Variants in LMCD1 observed in about 807,000 individuals in gnomAD.
The protein encoded by LMCD1 is LIM and cysteine-rich domains protein 1.
LMCD1 carries 32 observed loss-of-function variants against 42.7 expected under a neutral mutation model. The observed-to-expected ratio is 0.75, with a 90% CI of 0.57 to 1.01. The LOEUF (loss-of-function observed/expected upper bound fraction) is 1.01. Among genes scored for constraint, LMCD1 ranks in the 50% least tolerant of loss-of-function variants. The pLI is 0.00. For missense variants in LMCD1, 458 were observed against 483.1 expected (o/e 0.95, Z 0.49); for synonymous variants, 178 against 184.9 (o/e 0.96, Z 0.30).
chr3:8,550,178 C>G, intron 4 of LMCD1: 1 of 1,286,036 alleles, frequency 7.8e-7, no homozygotes, highest in Non-Finnish European at 9.9e-7. Context: ...TAAACTGCCC[C>G]ACAGAAGGCG....
intron 1 of LMCD1, among the ~76,000 whole-genome samples, chr3:8,505,549 T>C (rs1024346080): frequency 1.3e-5 from 2 of 152,214 alleles, no homozygotes; most frequent in African/African-American, 4.8e-5. Flanking sequence ...GAACCATCTG[T>C]AGGAATTTAG....
chr3:8,534,684 T>C (rs939469035), intron 2 of LMCD1, among the ~76,000 whole-genome samples: 2 of 152,204 alleles, frequency 1.3e-5, no homozygotes, highest in Non-Finnish European at 2.9e-5. Context: ...GCCCTTCAAC[T>C]AATCATCACA....
At chr3:8,536,971 A>C (rs1048415327) in intron 2 of LMCD1, among the ~76,000 whole-genome samples, 17 of 152,206 alleles carry the variant, frequency 1.1e-4, no homozygotes, top group African/African-American at 4.1e-4. Context: ...TATATCCTAC[A>C]TTCCTCACTG....
At chr3:8,510,484 G>A (rs1693974656) in intron 1 of LMCD1, among the ~76,000 whole-genome samples, 1 of 152,178 alleles carries the variant, frequency 6.6e-6, no homozygotes, top group African/African-American at 2.4e-5. Context: ...GGGTGTCAGG[G>A]AACTTAAATT....
chr3:8,538,266 C>T (rs6809788), intron 3 of LMCD1, among the ~76,000 whole-genome samples: 73,610 of 151,982 alleles, frequency 0.48, 18,536 homozygotes, highest in Non-Finnish European at 0.53. Context: ...CCAGCAAGTT[C>T]AGGGCCATCC....
intron 2 of LMCD1, among the ~76,000 whole-genome samples, chr3:8,533,817 A>G (rs1694459586): frequency 6.6e-6 from 1 of 152,016 alleles, no homozygotes; most frequent in African/African-American, 2.4e-5. Context: ...TCCCAATCCC[A>G]TGCTCCTAAT....
chr3:8,515,907 T>G (rs1694088432), intron 1 of LMCD1, among the ~76,000 whole-genome samples: 4 of 150,146 alleles, frequency 2.7e-5, no homozygotes, highest in East Asian at 2.0e-4. Flanking sequence ...AAAGTAGGAG[T>G]GGGTGGGGGG....
At chr3:8,541,095 C>T (rs2125027427) in intron 3 of LMCD1, among the ~76,000 whole-genome samples, 1 of 152,322 alleles carries the variant, frequency 6.6e-6, no homozygotes, top group East Asian at 1.9e-4. Flanking sequence ...TCTCCGGATT[C>T]CAGAGCCCAT....
At chr3:8,547,364 C>T (rs66636635) in intron 3 of LMCD1, among the ~76,000 whole-genome samples, 17,102 of 152,184 alleles carry the variant, frequency 0.11, 1,129 homozygotes, top group South Asian at 0.22. Context: ...TAAGTACAAC[C>T]CTACTTGTTA....
chr3:8,545,830 AG>A (rs1457152933), intron 3 of LMCD1, among the ~76,000 whole-genome samples: 1 of 152,212 alleles, frequency 6.6e-6, no homozygotes, highest in Non-Finnish European at 1.5e-5. Context: ...AAAAGAGAAA[AG>A]CCACAGATAG....
At chr3:8,515,873 T>C (rs3774220) in intron 1 of LMCD1, among the ~76,000 whole-genome samples, 71,092 of 151,762 alleles carry the variant, frequency 0.47, 17,331 homozygotes, top group Non-Finnish European at 0.52. Flanking sequence ...CCCCTTCCCA[T>C]TCTGCACCAA....
Position 8,573,758 on chromosome 3 carries a change from C to T in LMCD1, c.*6160C>T, listed in dbSNP as rs753773136. On this transcript the variant is annotated 3_prime_UTR_variant, in exon 6 of 6. Coordinates refer to ENST00000157600, the MANE Select transcript of LMCD1 (RefSeq NM_014583.4). Reference sequence around the variant, plus strand: ...AGCATAAAGTGTTCCTTTGTTCTGACGTTGGTATAACATTGCTTCTTGAAA... The same window carrying T: ...AGCATAAAGTGTTCCTTTGTTCTGATGTTGGTATAACATTGCTTCTTGAAA... 5.3e-5 allele frequency: 8 copies of T among 151,834 alleles called. No homozygotes were observed. Among genetic ancestry groups the T allele is most frequent in the Admixed American group, 6.6e-5 (1 of 15,262 alleles). The allele number at this position is 151,834 out of a possible 1,614,324, so 9.4% of individuals were successfully genotyped here. A position where few individuals can be genotyped will look rare whatever the true frequency, so the allele number is the denominator to read the frequency against.
intron 1 of LMCD1, among the ~76,000 whole-genome samples, chr3:8,518,167 C>A (rs78915480): frequency 0.046 from 7,057 of 152,224 alleles, 292 homozygotes; most frequent in African/African-American, 0.1. Context: ...CAGAGCTCCC[C>A]CAACACTTTG....
At chr3:8,519,737 A>G (rs559083431) in intron 1 of LMCD1, among the ~76,000 whole-genome samples, 1 of 147,158 alleles carries the variant, frequency 6.8e-6, no homozygotes, top group African/African-American at 2.6e-5. Context: ...AAAACATATG[A>G]TAGCAAAAAA....
At chr3:8,541,489 C>T (rs1355733124) in intron 3 of LMCD1, among the ~76,000 whole-genome samples, 1 of 152,158 alleles carries the variant, frequency 6.6e-6, no homozygotes. Context: ...GCAGAGGTTG[C>T]AGTGAGCCGA....
At chr3:8,542,664 T>G (rs1446816273) in intron 3 of LMCD1, among the ~76,000 whole-genome samples, 2 of 152,208 alleles carry the variant, frequency 1.3e-5, no homozygotes, top group Non-Finnish European at 2.9e-5. Context: ...TTGGGGAATA[T>G]TTTTCCTCTT....
At chr3:8,550,297 A>G (rs1226582456) in intron 4 of LMCD1, 1 of 1,008,272 alleles carries the variant, frequency 9.9e-7, no homozygotes, top group Non-Finnish European at 1.2e-6. Flanking sequence ...AAGTGTCTTC[A>G]TTTGTTTCTA....
At position 8,565,483 on chromosome 3, in the gene LMCD1, T is replaced by G. The variant is rs150928137; in HGVS notation, c.775T>G (p.Ser259Ala). 174 of 1,614,188 alleles carry G rather than the reference T, an allele frequency of 1.1e-4. 2 individuals are homozygous for G. The highest frequency in any genetic ancestry group is 4.2e-4 in the Admixed American group (25 of 60,028). Reference sequence around the variant, plus strand: ...CCCTCCTGACAGCCCCGTGGTCTACTCGGACAGGGCAGGCTACAACAAGCA... The same window carrying G: ...CCCTCCTGACAGCCCCGTGGTCTACGCGGACAGGGCAGGCTACAACAAGCA... ...AAPPDSPVVYSDRAGYNKQWH... is the reference protein window; with the variant it reads ...AAPPDSPVVYADRAGYNKQWH... Residue 259 changes from serine to alanine, a missense_variant, in exon 5 of 6, where the codon TCG (serine) becomes GCG (alanine). Physicochemically the swap from Ser to Ala is moderately conservative, Grantham distance 99. Coordinates refer to ENST00000157600, the MANE Select transcript of LMCD1 (RefSeq NM_014583.4).
chr3:8,529,418 A>G (rs565058317), intron 1 of LMCD1, among the ~76,000 whole-genome samples: 2 of 152,026 alleles, frequency 1.3e-5, no homozygotes, highest in African/African-American at 2.4e-5. Context: ...ACCAGGGCCA[A>G]CTCTCGCTTC....
Sources: gnomAD v4.1 joint callset for allele counts (sites outside exome capture counted in the v4.1 genomes callset) on GRCh38, gnomAD v4.1.1 for gene constraint, MANE v1.5 for transcripts, NCBI Gene and HGNC (gene_info 2026-07-23, HGNC 2026-07-21) for gene names.